The following ADAMTSL1 variants were observed in gnomAD, a reference collection of about 807,000 sequenced individuals.
ADAMTSL1 encodes the protein ADAMTS like 1.
Under a neutral mutation model 201.8 loss-of-function variants are expected in ADAMTSL1, and 126 were observed. That is an observed-to-expected ratio of 0.62 (90% confidence interval 0.54 to 0.72). The LOEUF (loss-of-function observed/expected upper bound fraction) is 0.72, where lower values mean the gene tolerates loss of function less well. Ranked by LOEUF, ADAMTSL1 falls within the 30% of genes least tolerant of loss-of-function variation. The pLI is 0.00. For synonymous variants in ADAMTSL1, 1,121 were observed against 903.4 expected, an observed-to-expected ratio of 1.24 and a Z score of -4.32; for missense variants, 2,679 against 2,277.8, an observed-to-expected ratio of 1.18 and a Z score of -3.59.
At chr9:18,447,002 C>T (rs1452843119) in intron 2 of ADAMTSL1, among the ~76,000 whole-genome samples, 1 of 149,586 alleles carries the variant, frequency 6.7e-6, no homozygotes, top group Non-Finnish European at 1.5e-5. Flanking sequence ...TTTCCTTGTG[C>T]TGGAAGGGGA....
intron 2 of ADAMTSL1, among the ~76,000 whole-genome samples, chr9:18,298,611 A>G (rs535173672): frequency 4.6e-5 from 7 of 151,836 alleles, no homozygotes; most frequent in Non-Finnish European, 1.0e-4. Flanking sequence ...TGATCATTTA[A>G]CCATTTCTTC....
At chr9:18,664,179 T>A (rs1829286970) in intron 9 of ADAMTSL1, among the ~76,000 whole-genome samples, 1 of 151,982 alleles carries the variant, frequency 6.6e-6, no homozygotes. Flanking sequence ...CTTCCGAAAA[T>A]GTAAGTACGC....
chr9:18,176,007 CAAAAAAAAAAAA>C (rs57982328), intron 2 of ADAMTSL1, among the ~76,000 whole-genome samples: 2 of 62,576 alleles, frequency 3.2e-5, no homozygotes, highest in Admixed American at 1.8e-4. Flanking sequence ...AGAGGGAAAG[CAAAAAAAAAAAA>C]AAAAAAAAAA....
At chr9:18,284,648 A>G (rs1407901768) in intron 2 of ADAMTSL1, among the ~76,000 whole-genome samples, 1 of 152,198 alleles carries the variant, frequency 6.6e-6, no homozygotes, top group Admixed American at 6.5e-5. Flanking sequence ...TTCCTATGTG[A>G]TCATGTTGAA....
intron 1 of ADAMTSL1, among the ~76,000 whole-genome samples, chr9:17,965,476 C>G (rs1817947699): frequency 6.6e-6 from 1 of 152,086 alleles, no homozygotes; most frequent in African/African-American, 2.4e-5. Context: ...ATGTTAATTA[C>G]TAACTGATGT....
intron 23 of ADAMTSL1, among the ~76,000 whole-genome samples, chr9:18,881,710 C>T (rs1260840658): frequency 6.6e-6 from 1 of 152,160 alleles, no homozygotes; most frequent in South Asian, 2.1e-4. Context: ...CACAAACCTT[C>T]AATTTGTAAC....
chr9:18,607,596 C>G (rs1825108705), intron 4 of ADAMTSL1, among the ~76,000 whole-genome samples: 1 of 146,638 alleles, frequency 6.8e-6, no homozygotes, highest in Non-Finnish European at 1.5e-5. Context: ...TATTATTATG[C>G]TTTAAGTTTT....
At chr9:18,846,916 A>G (rs553020473) in intron 23 of ADAMTSL1, among the ~76,000 whole-genome samples, 74 of 152,294 alleles carry the variant, frequency 4.9e-4, no homozygotes, top group African/African-American at 1.3e-3. Flanking sequence ...ACTCTCATGT[A>G]CCTCCTAGTG....
At chr9:18,776,676 C>G in intron 18 of ADAMTSL1, 105 bp from the exon 19 acceptor site, 1 of 1,275,766 alleles carries the variant, frequency 7.8e-7, no homozygotes, top group East Asian at 2.6e-5. Context: ...CTTCTCTTCT[C>G]CACTCTGGCT....
At chr9:18,456,030 G>C (rs752003546) in intron 2 of ADAMTSL1, among the ~76,000 whole-genome samples, 1 of 151,948 alleles carries the variant, frequency 6.6e-6, no homozygotes, top group South Asian at 2.1e-4. Context: ...GTTAGTCACC[G>C]TTACCTTTCA....
intron 23 of ADAMTSL1, among the ~76,000 whole-genome samples, chr9:18,848,750 C>A (rs1437992111): frequency 6.6e-6 from 1 of 152,168 alleles, no homozygotes; most frequent in African/African-American, 2.4e-5. Flanking sequence ...GCATTGTTGG[C>A]TATAAGGCCC....
chr9:18,095,018 C>T (rs1824184081), intron 1 of ADAMTSL1, among the ~76,000 whole-genome samples: 1 of 152,196 alleles, frequency 6.6e-6, no homozygotes, highest in South Asian at 2.1e-4. Context: ...TCCTTCCTGT[C>T]CCTCTATGTA....
chr9:18,128,162 TG>T (rs1372646001), intron 1 of ADAMTSL1, among the ~76,000 whole-genome samples: 3 of 152,204 alleles, frequency 2.0e-5, no homozygotes, highest in Non-Finnish European at 4.4e-5. Flanking sequence ...AACTCTCAAA[TG>T]CATGTGAAAT....
intron 2 of ADAMTSL1, among the ~76,000 whole-genome samples, chr9:18,293,086 G>T (rs951769115): frequency 6.6e-6 from 1 of 152,210 alleles, no homozygotes; most frequent in Non-Finnish European, 1.5e-5. Flanking sequence ...CTAAGTGCCA[G>T]ACATGATCTT....
intron 1 of ADAMTSL1, among the ~76,000 whole-genome samples, chr9:18,089,351 A>G (rs1350560740): frequency 6.6e-6 from 1 of 152,090 alleles, no homozygotes; most frequent in Non-Finnish European, 1.5e-5. Context: ...CGTTCTCAGC[A>G]AACTAACACA....
At chr9:18,094,436 T>A (rs1405069159) in intron 1 of ADAMTSL1, among the ~76,000 whole-genome samples, 2 of 152,218 alleles carry the variant, frequency 1.3e-5, no homozygotes, top group East Asian at 3.9e-4. Context: ...TCTTCCTCCT[T>A]CCCCCATACA....
chr9:18,065,985 CAAAAAAA>C (rs34179730), intron 1 of ADAMTSL1, among the ~76,000 whole-genome samples: 1 of 38,134 alleles, frequency 2.6e-5, no homozygotes. Flanking sequence ...GACTCCATCT[CAAAAAAA>C]AAAAAAAAAA....
intron 1 of ADAMTSL1, among the ~76,000 whole-genome samples, chr9:18,109,682 C>T (rs1336088843): frequency 6.6e-6 from 1 of 152,164 alleles, no homozygotes; most frequent in East Asian, 1.9e-4. Context: ...ATCAGACAGC[C>T]TTTTAGACCC....
At chr9:18,526,519 G>A (rs1263777920) in intron 2 of ADAMTSL1, among the ~76,000 whole-genome samples, 3 of 152,214 alleles carry the variant, frequency 2.0e-5, no homozygotes, top group Non-Finnish European at 4.4e-5. Context: ...AGTTGACGCA[G>A]TTTCTTCCCA....
Sources: allele counts gnomAD v4.1 joint callset (sites outside exome capture counted in the v4.1 genomes callset), GRCh38; gene constraint gnomAD v4.1.1; transcripts MANE v1.5; gene names NCBI Gene and HGNC (gene_info 2026-07-23, HGNC 2026-07-21).